The following GBF1 variants were observed in gnomAD, a reference collection of about 807,000 sequenced individuals.
The protein encoded by GBF1 is Golgi-specific brefeldin A-resistance guanine nucleotide exchange factor 1.
Under a neutral mutation model 210.5 loss-of-function variants are expected in GBF1, and 114 were observed. The observed-to-expected ratio is 0.54, with a 90% confidence interval of 0.47 to 0.63. The LOEUF (loss-of-function observed/expected upper bound fraction) is 0.63, where lower values mean the gene tolerates loss of function less well. Among genes scored for constraint, GBF1 ranks in the 30% least tolerant of loss-of-function variants. The pLI is 0.00. For missense variants in GBF1, 1,851 were observed against 2,357.7 expected (o/e 0.79, Z 4.45); for synonymous variants, 850 against 889.2 (o/e 0.96, Z 0.78).
At chr10:102,341,846 C>T (rs546497393) in intron 3 of GBF1, among the ~76,000 whole-genome samples, 2 of 152,090 alleles carry the variant, frequency 1.3e-5, no homozygotes, top group South Asian at 4.1e-4. Flanking sequence ...AGACATGAAG[C>T]AAGTATATAG....
At position 102,376,632 on chromosome 10, in the gene GBF1, T is replaced by C. The variant is rs1230244235; in HGVS notation, c.4120T>C (p.Tyr1374His). 4 of 1,613,950 alleles carry C rather than the reference T, an allele frequency of 2.5e-6. 1 individual carries two copies. In the South Asian group the frequency reaches 4.4e-5, roughly 18 times the overall value. ...RPGPSPLINQ[Y>H]SLTVGLDLGP... ...AGGCCCTTCACCCCTGATCAATCAA[T>C]ACAGCCTAACAGTGGGACTGGATTT... The change falls in exon 32 of 40, where the codon TAC becomes CAC. Residue 1374 changes from tyrosine (Y) to histidine (H), a missense_variant. Physicochemically the swap from Tyr to His is moderately conservative, Grantham distance 83 (BLOSUM62 2). Coordinates refer to ENST00000369983, the MANE Select transcript of GBF1 (RefSeq NM_001377137.1).
In GBF1 at chr10:102,381,976, T is replaced by G. The variant is rs568297393; in HGVS notation, c.5303-80T>G. ...GGAACAAGGAGGAACAGAGACTCTA[T>G]AAGCAGCCAGCTGGGCAATGTGAGA... On this transcript the variant is annotated intron_variant, in intron 39 of 39. Transcript: ENST00000369983. The G allele has an allele frequency of 4.1e-4, 528 of 1,273,000 alleles. 2 individuals are homozygous for G. The African/African-American group carries it at 7.3e-3, about 18-fold the overall frequency. 78.9% of individuals were successfully genotyped at this position (1,273,000 alleles called of 1,614,324 possible). A position where few individuals can be genotyped will look rare whatever the true frequency, so the allele number is the denominator to read the frequency against.
chr10:102,265,135 A>G (rs1388361835), intron 3 of GBF1, among the ~76,000 whole-genome samples: 1 of 152,200 alleles, frequency 6.6e-6, no homozygotes, highest in African/African-American at 2.4e-5. Context: ...GAATGCTTCT[A>G]GCCAATATGG....
At chr10:102,342,162 G>A (rs1432984771) in intron 3 of GBF1, among the ~76,000 whole-genome samples, 2 of 150,896 alleles carry the variant, frequency 1.3e-5, no homozygotes, top group African/African-American at 2.4e-5. Flanking sequence ...TCAGCCTCCC[G>A]AGTAGCTGGG....
intron 3 of GBF1, among the ~76,000 whole-genome samples, chr10:102,286,205 T>G (rs868839575): frequency 5.7e-4 from 86 of 151,536 alleles, no homozygotes; most frequent in African/African-American, 8.5e-4. Context: ...TTTTTTTTTT[T>G]TTTTTTTTTT....
chr10:102,329,933 A>G (rs2057209566), intron 3 of GBF1, among the ~76,000 whole-genome samples: 1 of 151,754 alleles, frequency 6.6e-6, no homozygotes, highest in Non-Finnish European at 1.5e-5. Flanking sequence ...ACATAGCAAG[A>G]CCCCCTATCT....
At chr10:102,261,615 CTTTT>C (rs10711743) in intron 3 of GBF1, among the ~76,000 whole-genome samples, 13 of 116,094 alleles carry the variant, frequency 1.1e-4, no homozygotes, top group Admixed American at 2.7e-4. Flanking sequence ...TTCTTTCTTT[CTTTT>C]TTTTTTTTTT....
chr10:102,380,653 C>A lies in GBF1; in HGVS notation c.5140C>A (p.Arg1714=), dbSNP rs372056196. The A allele has an allele frequency of 4.5e-5, 72 of 1,613,408 alleles. No individual in the cohort carries two copies. The highest frequency in any genetic ancestry group is 5.8e-5 in the Non-Finnish European group (69 of 1,179,716). Residue 1714 remains arginine (R), a synonymous_variant, in exon 38 of 40, where the codon CGA becomes AGA. Coordinates refer to ENST00000369983, the MANE Select transcript of GBF1 (RefSeq NM_001377137.1). ...CATTGACTGTTTTCTCCCTCACCTA[C>A]GAGATGAACTCTTCAAGCAGACCGT... ...ERIDCFLPHL[R]DELFKQTVIQ... is the part of the protein sequence containing the mutation.
At chr10:102,328,930 TGTAATGACTGCATAAA>T (rs1243876960) in intron 3 of GBF1, among the ~76,000 whole-genome samples, 3 of 152,196 alleles carry the variant, frequency 2.0e-5, no homozygotes, top group Non-Finnish European at 4.4e-5. Flanking sequence ...CTGCTCCAAG[TGTAATGACTGCATAAA>T]GCTGGGGTAA....
chr10:102,381,055 G>T, intron 38 of GBF1, 72 bp from the exon 39 acceptor site: 29 of 1,477,010 alleles, frequency 2.0e-5, no homozygotes, highest in Non-Finnish European at 2.7e-5. Flanking sequence ...TAGAAAGGCT[G>T]TTGGGTAGCT....
chr10:102,260,824 G>C (rs926364456), intron 3 of GBF1, among the ~76,000 whole-genome samples: 1 of 151,930 alleles, frequency 6.6e-6, no homozygotes, highest in Non-Finnish European at 1.5e-5. Flanking sequence ...TTGGCCCATG[G>C]GTGCAGTTTT....
chr10:102,236,254 G>T, the GBF1 span, among the ~76,000 whole-genome samples: 5 of 152,178 alleles, frequency 3.3e-5, no homozygotes, highest in Admixed American at 3.3e-4. Context: ...CAGGGACTTC[G>T]CCTCACTCAG....
At chr10:102,372,922 G>A (rs1183788884) in intron 29 of GBF1, among the ~76,000 whole-genome samples, 1 of 152,192 alleles carries the variant, frequency 6.6e-6, no homozygotes, top group Admixed American at 6.5e-5. Flanking sequence ...GGATGGAACA[G>A]ATCCGGGGGA....
intron 2 of GBF1, 48 bp downstream of exon 2, chr10:102,259,082 G>A (rs1253408182): frequency 1.1e-6 from 1 of 919,668 alleles, no homozygotes. Flanking sequence ...TTTTATAGGG[G>A]ATCTGTTGGC....
chr10:102,307,733 C>T (rs564726591), intron 3 of GBF1, among the ~76,000 whole-genome samples: 14 of 151,964 alleles, frequency 9.2e-5, no homozygotes, highest in African/African-American at 1.7e-4. Context: ...AGAGTTGCAA[C>T]GAGCCGAGAT....
At chr10:102,237,474 T>C in the GBF1 span, among the ~76,000 whole-genome samples, 1 of 151,962 alleles carries the variant, frequency 6.6e-6, no homozygotes, top group Non-Finnish European at 1.5e-5. Flanking sequence ...CGAGGGGGCC[T>C]CCAATGGGGG....
intron 39 of GBF1, 100 bp from the exon 40 acceptor site, chr10:102,381,956 A>G: frequency 9.7e-7 from 1 of 1,027,598 alleles, no homozygotes. Context: ...TTACTGGAAC[A>G]AGGAGGAACA....
chr10:102,321,055 C>T (rs184743461), intron 3 of GBF1, among the ~76,000 whole-genome samples: 88 of 152,210 alleles, frequency 5.8e-4, no homozygotes, highest in Non-Finnish European at 1.0e-3. Context: ...CTTGGCCTCC[C>T]GAAGTGCTGG....
rs564301087 is a variant in GBF1, at chr10:102,264,792, A to G, written c.163+4676A>G. Among the ~76,000 whole-genome samples, 10 of 152,380 alleles carry G rather than the reference A, an allele frequency of 6.6e-5. No individual in the cohort carries two copies. The East Asian group carries it at 1.2e-3, about 18-fold the overall frequency. On this transcript the variant is annotated intron_variant, in intron 3 of 39. Transcript: ENST00000369983. The stretch of plus-strand genomic sequence containing the variant: ...GCAATGTAAATGTTAGGCATGTTGC[A>G]GTGATGTACCTTTGTGCTTCTCAGA...
Sources: gnomAD v4.1 joint callset for allele counts (sites outside exome capture counted in the v4.1 genomes callset) on GRCh38, gnomAD v4.1.1 for gene constraint, MANE v1.5 for transcripts, NCBI Gene and HGNC (gene_info 2026-07-23, HGNC 2026-07-21) for gene names.